NTNG1: variants seen among roughly 807,000 people sequenced by gnomAD.
NTNG1 encodes netrin G1.
A neutral mutation model predicts 54.0 loss-of-function variants in NTNG1; 16 were observed. That is an observed-to-expected ratio of 0.30 (90% CI 0.20 to 0.45). NTNG1 has a LOEUF of 0.45. NTNG1 is among the 20% of genes least tolerant of loss of function. The pLI, the probability that NTNG1 is intolerant of heterozygous loss-of-function variation, is 1.00. For missense variants in NTNG1, 530 were observed against 678.7 expected (o/e 0.78, Z 2.43); for synonymous variants, 255 against 263.1 (o/e 0.97, Z 0.30).
chr1:107,349,166 G>A (rs2101952354), intron 3 of NTNG1, among the ~76,000 whole-genome samples: 2 of 152,078 alleles, frequency 1.3e-5, no homozygotes, highest in South Asian at 4.2e-4. Flanking sequence ...TCTCTACCTG[G>A]AATGCTGTTT....
At chr1:107,386,879 G>T (rs903690788) in intron 3 of NTNG1, among the ~76,000 whole-genome samples, 1 of 152,180 alleles carries the variant, frequency 6.6e-6, no homozygotes, top group African/African-American at 2.4e-5. Flanking sequence ...AATCTCTGAG[G>T]ATTCCAATTT....
intron 3 of NTNG1, among the ~76,000 whole-genome samples, chr1:107,394,423 T>C (rs1409340057): frequency 7.0e-6 from 1 of 141,900 alleles, no homozygotes; most frequent in Non-Finnish European, 1.6e-5. Flanking sequence ...CCCTGCCACA[T>C]GAAGGATTTT....
chr1:107,305,454 T>C (rs1666626440), intron 2 of NTNG1, among the ~76,000 whole-genome samples: 1 of 152,244 alleles, frequency 6.6e-6, no homozygotes, highest in Admixed American at 6.5e-5. Context: ...TGTTATCTAA[T>C]TGGGGTTTTC....
At chr1:107,388,528 T>G (rs539073879) in intron 3 of NTNG1, among the ~76,000 whole-genome samples, 2,010 of 152,324 alleles carry the variant, frequency 0.013, 47 homozygotes, top group African/African-American at 0.045. Context: ...TTAGTGCAGG[T>G]CTCATGGGAT....
chr1:107,397,811 C>T (rs1292809283), intron 4 of NTNG1, among the ~76,000 whole-genome samples: 5 of 151,460 alleles, frequency 3.3e-5, no homozygotes, highest in East Asian at 3.9e-4. Flanking sequence ...TAACCATTAT[C>T]GACTCCAATT....
At chr1:107,315,683 A>G (rs1273965488) in intron 2 of NTNG1, among the ~76,000 whole-genome samples, 5 of 152,116 alleles carry the variant, frequency 3.3e-5, no homozygotes, top group Admixed American at 3.3e-4. Flanking sequence ...TCTGGGTCTC[A>G]ACTTATTTTT....
chr1:107,469,746 G>A (rs1006777912), intron 7 of NTNG1, among the ~76,000 whole-genome samples: 2 of 152,158 alleles, frequency 1.3e-5, no homozygotes, highest in Admixed American at 6.5e-5. Context: ...GAGCCACCAC[G>A]CCTAGCTTAT....
intron 7 of NTNG1, 34 bp from the exon 8 acceptor site, chr1:107,480,577 C>CCCA: frequency 4.3e-6 from 2 of 470,480 alleles, no homozygotes; most frequent in East Asian, 3.8e-5. Flanking sequence ...CCTCCCCGCG[C>CCCA]CCACCCACCC....
chr1:107,428,144 A>G (rs1675016793), intron 5 of NTNG1, among the ~76,000 whole-genome samples: 1 of 152,038 alleles, frequency 6.6e-6, no homozygotes, highest in Non-Finnish European at 1.5e-5. Context: ...TATTCTCTAC[A>G]TTTCCCTAAC....
chr1:107,402,336 T>A (rs962752722), intron 4 of NTNG1, among the ~76,000 whole-genome samples: 16 of 152,118 alleles, frequency 1.1e-4, no homozygotes, highest in African/African-American at 3.9e-4. Context: ...AACAGGACAC[T>A]GAAGGTCTGA....
chr1:107,386,057 A>G (rs1378889738), intron 3 of NTNG1, among the ~76,000 whole-genome samples: 3 of 148,562 alleles, frequency 2.0e-5, no homozygotes, highest in Admixed American at 6.7e-5. Flanking sequence ...TTTCATATGA[A>G]GGAAACTGTA....
chr1:107,455,150 A>G (rs1570997536), intron 7 of NTNG1, among the ~76,000 whole-genome samples: 1 of 148,274 alleles, frequency 6.7e-6, no homozygotes, highest in Middle Eastern at 3.5e-3. Flanking sequence ...TACAACCTCC[A>G]CCTCCCAGGT....
intron 3 of NTNG1, among the ~76,000 whole-genome samples, chr1:107,387,539 A>G (rs558248649): frequency 2.4e-4 from 37 of 152,342 alleles, no homozygotes; most frequent in African/African-American, 8.9e-4. Flanking sequence ...ATGCTGGTCC[A>G]TGGACCACAC....
intron 3 of NTNG1, among the ~76,000 whole-genome samples, chr1:107,339,277 C>T (rs567259872): frequency 6.6e-6 from 1 of 152,064 alleles, no homozygotes; most frequent in Non-Finnish European, 1.5e-5. Context: ...ATCTATCAGA[C>T]AGGGCTTCTT....
chr1:107,256,069 T>C (rs1662912269), intron 2 of NTNG1, among the ~76,000 whole-genome samples: 1 of 152,218 alleles, frequency 6.6e-6, no homozygotes, highest in Non-Finnish European at 1.5e-5. Flanking sequence ...AGTTTTCATG[T>C]GTTGTTTATT....
At chr1:107,192,128 T>C (rs1201529203) in intron 2 of NTNG1, among the ~76,000 whole-genome samples, 1 of 152,190 alleles carries the variant, frequency 6.6e-6, no homozygotes, top group Non-Finnish European at 1.5e-5. Context: ...TAGTTCTCCT[T>C]GAAGAGGTCC....
chr1:107,421,201 C>T, intron 5 of NTNG1: 1 of 1,196,478 alleles, frequency 8.4e-7, no homozygotes, highest in Non-Finnish European at 1.2e-6. Context: ...TGAAACATTG[C>T]ACTGTATGAA....
intron 5 of NTNG1, among the ~76,000 whole-genome samples, chr1:107,426,145 A>G (rs1450333830): frequency 4.6e-5 from 7 of 151,928 alleles, no homozygotes; most frequent in Non-Finnish European, 1.0e-4. Flanking sequence ...TCTGTTGATT[A>G]TTTATTTTGC....
chr1:107,388,457 A>AT (rs1400643235), intron 3 of NTNG1, among the ~76,000 whole-genome samples: 4 of 152,244 alleles, frequency 2.6e-5, no homozygotes, highest in South Asian at 2.1e-4. Flanking sequence ...TCCCTGCTCC[A>AT]TTTTGTACCT....
Sources: gnomAD v4.1 joint callset for allele counts (sites outside exome capture counted in the v4.1 genomes callset) on GRCh38, gnomAD v4.1.1 for gene constraint, MANE v1.5 for transcripts, NCBI Gene and HGNC (gene_info 2026-07-23, HGNC 2026-07-21) for gene names.